Variants in DNTTIP2 observed in about 807,000 individuals in gnomAD.
The protein encoded by DNTTIP2 is deoxynucleotidyltransferase terminal-interacting protein 2.
Under a neutral mutation model 62.4 loss-of-function variants are expected in DNTTIP2, and 47 were observed. That is an observed-to-expected ratio of 0.75 (90% CI 0.60 to 0.96). The LOEUF is 0.96. Among genes scored for constraint, DNTTIP2 ranks in the 40% least tolerant of loss-of-function variants. DNTTIP2 has a pLI of 0.00. For synonymous variants in DNTTIP2, 322 were observed against 300.9 expected (o/e 1.07, Z -0.73); for missense variants, 870 against 849.1 (o/e 1.02, Z -0.31).
In DNTTIP2 at chr1:93,871,929, A is replaced by C. The variant is rs1045532867; in HGVS notation, c.2067+143T>G. The C allele has an allele frequency of 3.5e-6, 3 of 863,014 alleles. No homozygotes were observed. In the African/African-American group the frequency reaches 5.1e-5, roughly 15 times the overall value. 53.5% of individuals were successfully genotyped at this position (863,014 alleles called of 1,614,324 possible). ...GCTGAATTGGGTAATGGCCATTCTT[A>C]TATGGCCTATGCAGATATGTTCCAT... On this transcript the variant is annotated intron_variant, in intron 5 of 6. Coordinates refer to ENST00000436063, the MANE Select transcript of DNTTIP2 (RefSeq NM_014597.5).
chr1:93,872,263 A>C (rs1655883203), intron 4 of DNTTIP2, 27 bp from the exon 5 acceptor site: 1 of 1,609,346 alleles, frequency 6.2e-7, no homozygotes, highest in Non-Finnish European at 8.5e-7. Flanking sequence ...AAAAATAAAC[A>C]TTCTAACAGC....
At position 93,870,691 on chromosome 1, in the gene DNTTIP2, T is replaced by C. The variant is rs1479918916; in HGVS notation, c.2169A>G (p.Glu723=). 1.9e-6 allele frequency: 3 copies of C among 1,542,622 alleles called. No individual in the cohort carries two copies. The Admixed American group carries it at 5.7e-5, about 29-fold the overall frequency. ...TIVEELLADS[E]FRRYNRRKYS... ...AATATGAATTCCTTTACCTTCTGAA[T>C]TCAGAATCAGCCAGCAGTTCTTCCA... The change falls in exon 6 of 7, where the codon GAA becomes GAG. Residue 723 remains glutamate (E), a synonymous_variant. Coordinates refer to ENST00000436063, the MANE Select transcript of DNTTIP2 (RefSeq NM_014597.5).
At chr1:93,878,098 A>G (rs911964576) in intron 1 of DNTTIP2, among the ~76,000 whole-genome samples, 3 of 152,098 alleles carry the variant, frequency 2.0e-5, no homozygotes, top group African/African-American at 7.2e-5. Flanking sequence ...CGAGGTCAGG[A>G]GTTCGAGACA....
At chr1:93,873,718 G>C (rs1655929731) in intron 3 of DNTTIP2, among the ~76,000 whole-genome samples, 1 of 152,214 alleles carries the variant, frequency 6.6e-6, no homozygotes, top group Non-Finnish European at 1.5e-5. Flanking sequence ...AATCACTTGA[G>C]GCCAGGAGTT....
chr1:93,871,721 A>C (rs534747938), intron 5 of DNTTIP2, among the ~76,000 whole-genome samples: 1 of 152,326 alleles, frequency 6.6e-6, no homozygotes, highest in Non-Finnish European at 1.5e-5. Context: ...AAAACATTTT[A>C]AAAACCAACT....
intron 3 of DNTTIP2, 22 bp downstream of exon 3, chr1:93,875,623 C>A (rs1275064084): frequency 6.3e-7 from 1 of 1,599,682 alleles, no homozygotes; most frequent in South Asian, 1.2e-5. Context: ...TCTGTGAAAA[C>A]CTAACAGCAC....
chr1:93,874,702 C>T (rs1655954231), intron 3 of DNTTIP2, among the ~76,000 whole-genome samples: 3 of 152,094 alleles, frequency 2.0e-5, no homozygotes, highest in Admixed American at 2.0e-4. Flanking sequence ...CTATGTTGCC[C>T]AGGTTGGTCT....
chr1:93,869,646 T>C lies in DNTTIP2; in HGVS notation c.*205A>G. On this transcript the variant is annotated 3_prime_UTR_variant, in exon 7 of 7. Coordinates refer to ENST00000436063, the MANE Select transcript of DNTTIP2 (RefSeq NM_014597.5). ...TTTTTTCCTTTTTTCCCATAAAGAG[T>C]CTACACCAGGGTGGGTCTTTTAGAC... The C allele has an allele frequency of 4.4e-6, 2 of 458,876 alleles. No individual in the cohort carries two copies. The highest frequency in any genetic ancestry group is 8.0e-6 in the Non-Finnish European group (2 of 250,028). The allele number at this position is 458,876 out of a possible 1,614,324, so 28.4% of individuals were successfully genotyped here.
At chr1:93,873,032 TAC>T in intron 4 of DNTTIP2, 85 bp downstream of exon 4, 2 of 902,050 alleles carry the variant, frequency 2.2e-6, no homozygotes, top group East Asian at 2.6e-5. Flanking sequence ...GACCAACAGA[TAC>T]AGTTTAATTG....
At chr1:93,871,959 T>C (rs11165027) in intron 5 of DNTTIP2, 113 bp downstream of exon 5, 36,630 of 1,174,860 alleles carry the variant, frequency 0.031, 2,390 homozygotes, top group African/African-American at 0.25. Flanking sequence ...TTCCATACAT[T>C]AGGCATGCAC....
In DNTTIP2 at chr1:93,877,590, T is replaced by C. The variant is rs186528836; in HGVS notation, c.345A>G (p.Ala115=). 7 of 1,614,006 alleles carry C rather than the reference T, an allele frequency of 4.3e-6. No individual in the cohort carries two copies. The African/African-American group carries it at 6.7e-5, about 15-fold the overall frequency. The change falls in exon 2 of 7, where the codon GCA becomes GCG. Residue 115 remains alanine (A), a synonymous_variant. Transcript: ENST00000436063. ...TCCTAACACTGGACACTGGGGAGCA[T>C]GCAATTAAGATCTGCCTTCTCCTAG... is the stretch of plus-strand genomic sequence containing the variant. ...RVTRRRQILI[A]CSPVSSVRKK... is the part of the protein sequence containing the mutation.
Position 93,876,579 on chromosome 1 carries a change from C to G in DNTTIP2, c.1356G>C (p.Gln452His). The G allele has an allele frequency of 1.2e-6, 2 of 1,614,022 alleles. No individual in the cohort carries two copies. Among genetic ancestry groups the G allele is most frequent in the Non-Finnish European group, 1.7e-6 (2 of 1,179,884 alleles). Residue 452 changes from glutamine to histidine, a missense_variant, in exon 2 of 7, where the codon CAG (glutamine) becomes CAC (histidine). By Grantham distance (24) the Gln-to-His change is conservative. Coordinates refer to ENST00000436063, the MANE Select transcript of DNTTIP2 (RefSeq NM_014597.5). ...CCTCTTCATTCTCACTGTTTTCAGA[C>G]TGTTGGCTTTCATCACTGCTGAGAA... ...LLVLSSDESQQSENSENEEDT... is the reference protein window; with the variant it reads ...LLVLSSDESQHSENSENEEDT...
chr1:93,870,625 G>T, intron 6 of DNTTIP2, 58 bp downstream of exon 6: 1 of 901,412 alleles, frequency 1.1e-6, no homozygotes, highest in Non-Finnish European at 1.6e-6. Flanking sequence ...AAATTTATAA[G>T]TTTATACATT....
rs1655770117 is a variant in DNTTIP2, at chr1:93,868,288, A to T, written c.*1563T>A. 1 of 152,184 alleles carries T rather than the reference A, an allele frequency of 6.6e-6. No homozygotes were observed. The highest frequency in any genetic ancestry group is 2.1e-4 in the South Asian group (1 of 4,820). The allele number at this position is 152,184 out of a possible 1,614,324, so 9.4% of individuals were successfully genotyped here. ...CATTAGAGAAATGCAAATCAAAACCACAATGAGATACCATCTCATTGCCAG... is the reference window on the plus strand; with the variant it reads ...CATTAGAGAAATGCAAATCAAAACCTCAATGAGATACCATCTCATTGCCAG... On this transcript the variant is annotated 3_prime_UTR_variant, in exon 7 of 7. Coordinates refer to ENST00000436063, the MANE Select transcript of DNTTIP2 (RefSeq NM_014597.5).
At position 93,876,525 on chromosome 1, in the gene DNTTIP2, G is replaced by A; in HGVS notation, c.1410C>T (p.Gly470=). ...EDTLCFVENS[G]QRESLSGDTG... ...TGTCTCCACTTAATGACTCCCTTTG[G>A]CCACTATTTTCAACAAAACATAAAG... is the stretch of plus-strand genomic sequence containing the variant. The change falls in exon 2 of 7, where the codon GGC becomes GGT. Residue 470 remains glycine, a synonymous_variant. Coordinates refer to ENST00000436063, the MANE Select transcript of DNTTIP2 (RefSeq NM_014597.5). 1.2e-6 allele frequency: 2 copies of A among 1,613,840 alleles called. No homozygotes were observed. Among genetic ancestry groups the A allele is most frequent in the South Asian group, 1.1e-5 (1 of 91,082 alleles).
At chr1:93,878,888 G>A (rs1656082598) in intron 1 of DNTTIP2, 189 bp downstream of exon 1, 3 of 690,048 alleles carry the variant, frequency 4.3e-6, no homozygotes, top group African/African-American at 3.6e-5. Flanking sequence ...ATTGCCTTAA[G>A]AGACAGTGGT....
At chr1:93,878,147 T>TA (rs1280766359) in intron 1 of DNTTIP2, among the ~76,000 whole-genome samples, 1 of 151,594 alleles carries the variant, frequency 6.6e-6, no homozygotes, top group Non-Finnish European at 1.5e-5. Context: ...CTACTCAAAG[T>TA]AAAAAAATTA....
chr1:93,875,852 TA>T, intron 2 of DNTTIP2, 69 bp from the exon 3 acceptor site: 1 of 1,475,652 alleles, frequency 6.8e-7, no homozygotes, highest in South Asian at 1.4e-5. Context: ...GATGGCATTT[TA>T]AAAAATCACT....
At chr1:93,873,364 G>A in intron 3 of DNTTIP2, 150 bp from the exon 4 acceptor site, 1 of 544,588 alleles carries the variant, frequency 1.8e-6, no homozygotes, top group Non-Finnish European at 3.2e-6. Flanking sequence ...GGCCAAGGGA[G>A]GAGGATCACT....
Sources: allele counts gnomAD v4.1 joint callset (sites outside exome capture counted in the v4.1 genomes callset), GRCh38; gene constraint gnomAD v4.1.1; transcripts MANE v1.5; gene names NCBI Gene and HGNC (gene_info 2026-07-23, HGNC 2026-07-21).